PAQR8: variants seen among roughly 807,000 people sequenced by gnomAD.
The protein encoded by PAQR8 is progestin and adipoQ receptor family member 8, also known as membrane progestin receptor beta.
A neutral mutation model predicts 25.2 loss-of-function variants in PAQR8; 17 were observed. The ratio of observed to expected loss-of-function variants is 0.67; its 90% CI spans 0.46 to 1.01. The LOEUF is 1.01. Ranked by LOEUF, PAQR8 falls within the 50% of genes least tolerant of loss-of-function variation. The probability of loss-of-function intolerance (pLI) is 0.00; values close to 1 mark genes in which losing one functional copy is unlikely to be tolerated. For synonymous variants in PAQR8, 204 were observed against 190.6 expected, an observed-to-expected ratio of 1.07 and a Z score of -0.58; for missense variants, 392 against 448.4, an observed-to-expected ratio of 0.87 and a Z score of 1.14.
At chr6:52,363,537 A>T (rs1412538515) in intron 1 of PAQR8, among the ~76,000 whole-genome samples, 1 of 152,194 alleles carries the variant, frequency 6.6e-6, no homozygotes, top group Non-Finnish European at 1.5e-5. Context: ...TACTCTGAGA[A>T]GCTGTTTCTG....
chr6:52,384,650 A>AG (rs1353551206), intron 1 of PAQR8, among the ~76,000 whole-genome samples: 4 of 152,232 alleles, frequency 2.6e-5, no homozygotes, highest in South Asian at 2.1e-4. Flanking sequence ...ATTCTAAGTT[A>AG]GAAAAAGAAT....
At position 52,405,116 on chromosome 6, in the gene PAQR8, T is replaced by A. The variant is rs971651924; in HGVS notation, c.*838T>A. ...ACCCATCTATTTTTTACCAGTGGAC[T>A]ACAGGATTACTTGAGAGTTATCAGG... is the stretch of plus-strand genomic sequence containing the variant. On this transcript the variant is annotated 3_prime_UTR_variant, in exon 2 of 2. Coordinates refer to ENST00000442253, the MANE Select transcript of PAQR8 (RefSeq NM_133367.5). The A allele has an allele frequency of 2.4e-5, 4 of 167,130 alleles. No homozygotes were observed. The highest frequency in any genetic ancestry group is 9.6e-5 in the African/African-American group (4 of 41,468). 10.4% of individuals were successfully genotyped at this position (167,130 alleles called of 1,614,324 possible).
intron 1 of PAQR8, among the ~76,000 whole-genome samples, chr6:52,377,543 G>A (rs977648793): frequency 1.3e-5 from 2 of 152,022 alleles, no homozygotes; most frequent in Admixed American, 6.6e-5. Context: ...AAACTGACTT[G>A]CTGACATATT....
At chr6:52,399,277 T>C (rs956240049) in intron 1 of PAQR8, among the ~76,000 whole-genome samples, 6 of 152,160 alleles carry the variant, frequency 3.9e-5, no homozygotes, top group African/African-American at 1.4e-4. Context: ...ATATGAGAAA[T>C]AGAAGGAACT....
chr6:52,391,908 A>G (rs1763713071), intron 1 of PAQR8, among the ~76,000 whole-genome samples: 1 of 152,186 alleles, frequency 6.6e-6, no homozygotes, highest in Non-Finnish European at 1.5e-5. Flanking sequence ...ACATGAAGTG[A>G]TGTCACAGGA....
intron 1 of PAQR8, among the ~76,000 whole-genome samples, chr6:52,376,736 T>G (rs557023942): frequency 6.6e-6 from 1 of 152,230 alleles, no homozygotes; most frequent in Non-Finnish European, 1.5e-5. Flanking sequence ...GGCTTACTGT[T>G]GTTCTTTATT....
At chr6:52,397,885 T>C (rs951496502) in intron 1 of PAQR8, among the ~76,000 whole-genome samples, 1 of 152,182 alleles carries the variant, frequency 6.6e-6, no homozygotes, top group Non-Finnish European at 1.5e-5. Flanking sequence ...AACATCATGA[T>C]GACAATATGT....
At chr6:52,380,641 G>A (rs1200655152) in intron 1 of PAQR8, among the ~76,000 whole-genome samples, 3 of 152,174 alleles carry the variant, frequency 2.0e-5, no homozygotes, top group East Asian at 3.8e-4. Flanking sequence ...CTGAGAAAAC[G>A]TACATTTTTC....
chr6:52,369,321 A>C lies in PAQR8; in HGVS notation c.-53+7072A>C, dbSNP rs559986176. Among the ~76,000 whole-genome samples, 35 of 152,246 alleles carry C rather than the reference A, an allele frequency of 2.3e-4. 1 individual carries two copies. In the South Asian group the frequency reaches 3.1e-3, roughly 14 times the overall value. On this transcript the variant is annotated intron_variant, in intron 1 of 1. Transcript: ENST00000442253. Reference sequence around the variant, plus strand: ...AGAAAGACCAGAGCTAGGGTTATTGATTTAAGAGCTTTTTGTTGATTTTGA... The same window carrying C: ...AGAAAGACCAGAGCTAGGGTTATTGCTTTAAGAGCTTTTTGTTGATTTTGA...
At chr6:52,365,800 T>A (rs1395124260) in intron 1 of PAQR8, among the ~76,000 whole-genome samples, 1 of 152,192 alleles carries the variant, frequency 6.6e-6, no homozygotes, top group Non-Finnish European at 1.5e-5. Context: ...TCCAAATAAG[T>A]GGAGTCAGTG....
Position 52,404,817 on chromosome 6 carries a change from TCCTTTCTCGACAAC to T in PAQR8, c.*540_*553del, listed in dbSNP as rs1763888624. 5.9e-6 allele frequency: 1 copy of T among 170,644 alleles called. No individual in the cohort carries two copies. The highest frequency in any genetic ancestry group is 1.4e-5 in the Non-Finnish European group (1 of 70,334). 10.6% of individuals were successfully genotyped at this position (170,644 alleles called of 1,614,324 possible). ...CTCAGTTCATCTGATTTCTGGTCCCTCCTTTCTCGACAACTATAATACTAACCCTTTTCTCAGGA... is the reference window on the plus strand; with the variant it reads ...CTCAGTTCATCTGATTTCTGGTCCCTTATAATACTAACCCTTTTCTCAGGA... On this transcript the variant is annotated 3_prime_UTR_variant, in exon 2 of 2. Transcript: ENST00000442253.
chr6:52,385,694 G>A (rs1763625291), intron 1 of PAQR8, among the ~76,000 whole-genome samples: 1 of 152,054 alleles, frequency 6.6e-6, no homozygotes, highest in South Asian at 2.1e-4. Flanking sequence ...ACCAGCCTGG[G>A]CAACATGGTG....
At chr6:52,379,803 A>G (rs1180979014) in intron 1 of PAQR8, among the ~76,000 whole-genome samples, 3 of 151,528 alleles carry the variant, frequency 2.0e-5, no homozygotes, top group Non-Finnish European at 2.9e-5. Context: ...ATTTTTTTGT[A>G]TTTTTAGTAC....
intron 1 of PAQR8, among the ~76,000 whole-genome samples, chr6:52,397,723 G>A (rs1240503436): frequency 6.6e-6 from 1 of 152,222 alleles, no homozygotes; most frequent in African/African-American, 2.4e-5. Flanking sequence ...AGGAGCTGGA[G>A]TGAACCCTGT....
intron 1 of PAQR8, among the ~76,000 whole-genome samples, chr6:52,383,165 T>C (rs893449311): frequency 1.3e-5 from 2 of 152,258 alleles, no homozygotes; most frequent in Admixed American, 6.5e-5. Context: ...TATGTACATA[T>C]CTATTTTAAG....
rs1449333293 is a variant in PAQR8, at chr6:52,362,603, A to C, written c.-53+354A>C. 1.3e-5 allele frequency: 2 copies of C among 153,922 alleles called. No individual in the cohort carries two copies. Among genetic ancestry groups the C allele is most frequent in the African/African-American group, 4.8e-5 (2 of 41,372 alleles). The allele number at this position is 153,922 out of a possible 1,614,324, so 9.5% of individuals were successfully genotyped here. On this transcript the variant is annotated intron_variant, in intron 1 of 1. Transcript: ENST00000442253. The surrounding 1 kb of genome is among the most constrained non-coding windows in gnomAD (Gnocchi z 4.1). Reference sequence around the variant, plus strand: ...CTGGAGAGCTGGCGGGGGTGTGGGGACCGCGATGTTGGGAAGGCTGAGCCC... The same window carrying C: ...CTGGAGAGCTGGCGGGGGTGTGGGGCCCGCGATGTTGGGAAGGCTGAGCCC...
chr6:52,387,631 T>C (rs1476221776), intron 1 of PAQR8, among the ~76,000 whole-genome samples: 1 of 152,172 alleles, frequency 6.6e-6, no homozygotes, highest in Non-Finnish European at 1.5e-5. Flanking sequence ...CTCCCCAAAT[T>C]AATATGTTGA....
chr6:52,390,851 G>A (rs1763698659), intron 1 of PAQR8, among the ~76,000 whole-genome samples: 1 of 152,176 alleles, frequency 6.6e-6, no homozygotes, highest in African/African-American at 2.4e-5. Context: ...TTATAATGCT[G>A]GGGTGTTTCT....
chr6:52,404,883 C>CT lies in PAQR8; in HGVS notation c.*606dup, dbSNP rs1763889816. 6.0e-6 allele frequency: 1 copy of CT among 167,512 alleles called. No homozygotes were observed. Among genetic ancestry groups the CT allele is most frequent in the African/African-American group, 2.4e-5 (1 of 41,460 alleles). 10.4% of individuals were successfully genotyped at this position (167,512 alleles called of 1,614,324 possible). A position where few individuals can be genotyped will look rare whatever the true frequency, so the allele number is the denominator to read the frequency against. On this transcript the variant is annotated 3_prime_UTR_variant, in exon 2 of 2. Transcript: ENST00000442253. ...AACTGTCTACACCTGGCAGTTTTCT[C>CT]TGACGTGCTGTTCACTCACATCCCT... is the stretch of plus-strand genomic sequence containing the variant.
Sources: gnomAD v4.1 joint callset for allele counts (sites outside exome capture counted in the v4.1 genomes callset) on GRCh38, gnomAD v4.1.1 for gene constraint, Gnocchi (gnomAD v3.1) non-coding constraint, MANE v1.5 for transcripts, NCBI Gene and HGNC (gene_info 2026-07-23, HGNC 2026-07-21) for gene names.